The following CACNA1B variants were observed in gnomAD, a reference collection of about 807,000 sequenced individuals.
CACNA1B encodes voltage-dependent N-type calcium channel subunit alpha-1B.
In CACNA1B, 70 loss-of-function variants were observed where a neutral mutation model predicts 247.2. The ratio of observed to expected loss-of-function variants is 0.28; its 90% CI spans 0.23 to 0.35. CACNA1B has a LOEUF of 0.35. CACNA1B is among the 10% of genes least tolerant of loss of function. The probability of loss-of-function intolerance (pLI) is 1.00; values close to 1 mark genes in which losing one functional copy is unlikely to be tolerated. For synonymous variants in CACNA1B, 1,231 were observed against 1,294.4 expected, an observed-to-expected ratio of 0.95 and a Z score of 1.05; for missense variants, 2,367 against 3,197.4, an observed-to-expected ratio of 0.74 and a Z score of 6.26.
At chr9:138,105,648 T>TGG (rs1554758878) in intron 38 of CACNA1B, 51 bp from the exon 39 acceptor site, 1 of 986,690 alleles carries the variant, frequency 1.0e-6, no homozygotes, top group Non-Finnish European at 1.6e-6. Flanking sequence ...AGTCTTGGGG[T>TGG]GGGGGGTGAC....
intron 38 of CACNA1B, among the ~76,000 whole-genome samples, chr9:138,105,050 G>A (rs1330729699): frequency 1.3e-5 from 2 of 152,272 alleles, no homozygotes; most frequent in Non-Finnish European, 2.9e-5. Flanking sequence ...TGCAGCCCTG[G>A]GAAGTCCCAT....
In CACNA1B at chr9:138,059,694, C is replaced by A; in HGVS notation, c.4625C>A (p.Thr1542Asn). ...RDAWNVFDFV[T>N]VLGSITDILV... ...GCCTGGAATGTCTTTGACTTTGTCA[C>A]TGTGTTGGGAAGTATTACTGATATT... The change falls in exon 31 of 47, where the codon ACT (threonine) becomes AAT (asparagine). Residue 1542 changes from threonine (T) to asparagine (N), a missense_variant. Physicochemically the swap from Thr to Asn is moderately conservative, Grantham distance 65. This residue lies in a region of CACNA1B where 436 missense variants were observed against 679.5 expected (regional missense o/e 0.64). Coordinates refer to ENST00000371372, the MANE Select transcript of CACNA1B (RefSeq NM_000718.4). The surrounding 1 kb of genome is among the most constrained non-coding windows in gnomAD (Gnocchi z 4.2). The A allele has an allele frequency of 6.2e-7, 1 of 1,609,308 alleles. No homozygotes were observed. The highest frequency in any genetic ancestry group is 2.2e-5 in the East Asian group (1 of 44,862).
At chr9:138,119,998 C>CCT (rs1482395006) in intron 44 of CACNA1B, among the ~76,000 whole-genome samples, 167 bp from the exon 45 acceptor site, 1 of 152,184 alleles carries the variant, frequency 6.6e-6, no homozygotes, top group Non-Finnish European at 1.5e-5. Flanking sequence ...CTGCCCCCAG[C>CCT]CTGCCCTCCT....
In CACNA1B at chr9:138,023,553, C is replaced by T. The variant is rs1564243603; in HGVS notation, c.2810C>T (p.Ala937Val). 1 of 1,086,372 alleles carries T rather than the reference C, an allele frequency of 9.2e-7. No homozygotes were observed. The highest frequency in any genetic ancestry group is 1.1e-6 in the Non-Finnish European group (1 of 890,552). 67.3% of individuals were successfully genotyped at this position (1,086,372 alleles called of 1,614,324 possible). A position where few individuals can be genotyped will look rare whatever the true frequency, so the allele number is the denominator to read the frequency against. ...AAEREPRRHR[A>V]HRHQDPSKEC... is the part of the protein sequence containing the mutation. ...GAGCGGGAGCCCCGACGCCACCGCG[C>T]GCACCGGCACCAGGATCCGAGCAAG... Residue 937 changes from alanine (A) to valine (V), a missense_variant, in exon 19 of 47, where the codon GCG becomes GTG. Ala to Val is a moderately conservative substitution (Grantham distance 64). Coordinates refer to ENST00000371372, the MANE Select transcript of CACNA1B (RefSeq NM_000718.4).
In CACNA1B at chr9:137,952,524, C is replaced by G; in HGVS notation, c.1070+147C>G. ...CCCTGGTGTTCTGGGTTCTGGTAGC[C>G]CTTCCTTTGTGCCACCATCCTGACC... On this transcript the variant is annotated intron_variant, in intron 7 of 46. Transcript: ENST00000371372. This position sits in a 1 kb window ranked among gnomAD's most constrained non-coding sequence, Gnocchi z 4.8. 1.5e-6 allele frequency: 1 copy of G among 673,456 alleles called. No individual in the cohort carries two copies. The highest frequency in any genetic ancestry group is 2.6e-6 in the Non-Finnish European group (1 of 378,222). The allele number at this position is 673,456 out of a possible 1,614,324, so 41.7% of individuals were successfully genotyped here. A position where few individuals can be genotyped will look rare whatever the true frequency, so the allele number is the denominator to read the frequency against.
intron 35 of CACNA1B, among the ~76,000 whole-genome samples, chr9:138,076,610 C>T (rs1216932568): frequency 6.6e-6 from 1 of 152,194 alleles, no homozygotes; most frequent in Non-Finnish European, 1.5e-5. Flanking sequence ...GCTGCTGTTC[C>T]TGGGCGCGGA....
At chr9:138,046,883 G>C in intron 21 of CACNA1B, 21 bp from the exon 22 acceptor site, 1 of 1,610,694 alleles carries the variant, frequency 6.2e-7, no homozygotes, top group Admixed American at 1.7e-5. Context: ...GCCTTGTGGT[G>C]ATCCGTGCCT....
rs760518038 is a variant in CACNA1B at position 137,955,589 on chromosome 9, A to G, written c.1071-109A>G. ...GGGCCTGCCTGAAGCAGCAGCCTGCAGCCTGCGTCTCCTGTCCCAGGCTTT... is the reference window on the plus strand; with the variant it reads ...GGGCCTGCCTGAAGCAGCAGCCTGCGGCCTGCGTCTCCTGTCCCAGGCTTT... On this transcript the variant is annotated intron_variant, in intron 7 of 46. Transcript: ENST00000371372. This position sits in a 1 kb window ranked among gnomAD's most constrained non-coding sequence, Gnocchi z 6.9. The G allele has an allele frequency of 4.0e-5, 29 of 722,292 alleles. No individual in the cohort carries two copies. Among genetic ancestry groups the G allele is most frequent in the Non-Finnish European group, 6.5e-5 (28 of 427,584 alleles). The allele number at this position is 722,292 out of a possible 1,614,324, so 44.7% of individuals were successfully genotyped here. A position where few individuals can be genotyped will look rare whatever the true frequency, so the allele number is the denominator to read the frequency against.
At chr9:137,983,972 A>AGT (rs2133380009) in intron 12 of CACNA1B, among the ~76,000 whole-genome samples, 166 bp from the exon 13 acceptor site, 1 of 152,274 alleles carries the variant, frequency 6.6e-6, no homozygotes, top group South Asian at 2.1e-4. Flanking sequence ...CCAAGAGCTC[A>AGT]GTGTGAGGTG....
Position 137,985,506 on chromosome 9 carries a change from A to T in CACNA1B, c.1770-907A>T, listed in dbSNP as rs569508325. Among the ~76,000 whole-genome samples the T allele has an allele frequency of 2.0e-5, 3 of 152,338 alleles. No individual in the cohort carries two copies. The East Asian group carries it at 5.8e-4, about 29-fold the overall frequency. On this transcript the variant is annotated intron_variant, in intron 13 of 46. Coordinates refer to ENST00000371372, the MANE Select transcript of CACNA1B (RefSeq NM_000718.4). The stretch of plus-strand genomic sequence containing the variant: ...CCTGCTAGTCCCAGGAGAAGGTTCA[A>T]TTCCTTTCCCAGAGTCTTCCATCCC...
At chr9:137,960,264 C>T (rs118109198) in intron 10 of CACNA1B, among the ~76,000 whole-genome samples, 158 of 5,056 alleles carry the variant, frequency 0.031, 1 homozygote, top group African/African-American at 0.085. Flanking sequence ...GAGGGACACC[C>T]GGAGAGAAGG....
chr9:137,892,943 A>G (rs1026487917), intron 3 of CACNA1B, among the ~76,000 whole-genome samples: 2 of 152,370 alleles, frequency 1.3e-5, no homozygotes, highest in African/African-American at 2.4e-5. Flanking sequence ...AGAGCCCGAC[A>G]GGCCTGAAAC....
rs1960395733 is a variant in CACNA1B at position 138,078,218 on chromosome 9, A to T, written c.5054A>T (p.Tyr1685Phe). The T allele has an allele frequency of 2.5e-6, 4 of 1,613,814 alleles. No individual in the cohort carries two copies. The highest frequency in any genetic ancestry group is 2.5e-6 in the Non-Finnish European group (3 of 1,179,870). Residue 1685 changes from tyrosine (Y) to phenylalanine (F), a missense_variant, in exon 36 of 47, where the codon TAC (tyrosine) becomes TTC (phenylalanine). Physicochemically the swap from Tyr to Phe is conservative, Grantham distance 22 (BLOSUM62 3). Transcript: ENST00000371372. ...ACCGAGTGTGGAAGTGACTTTGCCT[A>T]CTTCTACTTCGTCTCCTTCATCTTC... ...NATECGSDFA[Y>F]FYFVSFIFLC...
chr9:138,121,737 G>A lies in CACNA1B; in HGVS notation c.6758G>A (p.Arg2253Gln), dbSNP rs1232097200. Reference sequence around the variant, plus strand: ...AGCCAGCCCCTGGCCCCTGGCTCTCGAATTGGCTCTGACCCTTACCTGGGG... The same window carrying A: ...AGCCAGCCCCTGGCCCCTGGCTCTCAAATTGGCTCTGACCCTTACCTGGGG... ...PLSQPLAPGSRIGSDPYLGQR... is the reference protein window; with the variant it reads ...PLSQPLAPGSQIGSDPYLGQR... The change falls in exon 47 of 47, where the codon CGA becomes CAA. Residue 2253 changes from arginine to glutamine, a missense_variant. Arg to Gln is a conservative substitution (Grantham distance 43). Transcript: ENST00000371372. The surrounding 1 kb of genome is among the most constrained non-coding windows in gnomAD (Gnocchi z 6.8). 7 of 1,613,220 alleles carry A rather than the reference G, an allele frequency of 4.3e-6. No individual in the cohort carries two copies. Among genetic ancestry groups the A allele is most frequent in the Admixed American group, 1.7e-5 (1 of 59,998 alleles).
rs1229033570 is a variant in CACNA1B at position 138,106,995 on chromosome 9, C to CTTCT, written c.5428+1189_5428+1192dup. 6.6e-5 allele frequency among the ~76,000 whole-genome samples: 10 copies of CTTCT among 152,204 alleles called. No individual in the cohort carries two copies. The South Asian group carries it at 1.5e-3, about 22-fold the overall frequency. On this transcript the variant is annotated intron_variant, in intron 39 of 46. Coordinates refer to ENST00000371372, the MANE Select transcript of CACNA1B (RefSeq NM_000718.4). Reference sequence around the variant, plus strand: ...ATGGCCGTTTCTCCATTTGCATTTTCTTCTCTTTGAACCTTTTTTATCTGT... The same window carrying CTTCT: ...ATGGCCGTTTCTCCATTTGCATTTTCTTCTTTCTCTTTGAACCTTTTTTATCTGT...
chr9:138,083,024 C>G (rs189611075), intron 36 of CACNA1B, among the ~76,000 whole-genome samples: 23 of 150,308 alleles, frequency 1.5e-4, no homozygotes, highest in Non-Finnish European at 3.4e-4. Context: ...GCCCCCATCA[C>G]CATCTCGGAC....
At position 137,990,037 on chromosome 9, in the gene CACNA1B, G is replaced by A. The variant is rs2133387350; in HGVS notation, c.1974+3183G>A. Among the ~76,000 whole-genome samples, 1 of 152,270 alleles carries A rather than the reference G, an allele frequency of 6.6e-6. No homozygotes were observed. The highest frequency in any genetic ancestry group is 1.9e-4 in the East Asian group (1 of 5,176). ...TTTGCTCCAAGAACTACCACGGGAA[G>A]TTCTTGGAACTACCACAGGCAAGTT... On this transcript the variant is annotated intron_variant, in intron 15 of 46. Transcript: ENST00000371372. This position sits in a 1 kb window ranked among gnomAD's most constrained non-coding sequence, Gnocchi z 4.5.
intron 6 of CACNA1B, among the ~76,000 whole-genome samples, chr9:137,940,251 C>G (rs1957718327): frequency 6.6e-6 from 1 of 152,252 alleles, no homozygotes; most frequent in East Asian, 1.9e-4. Context: ...ACAACTGACA[C>G]CACAGAAATA....
Position 137,899,577 on chromosome 9 carries a change from G to C in CACNA1B, c.531-13603G>C, listed in dbSNP as rs541434576. On this transcript the variant is annotated intron_variant, in intron 3 of 46. Coordinates refer to ENST00000371372, the MANE Select transcript of CACNA1B (RefSeq NM_000718.4). The surrounding 1 kb of genome is among the most constrained non-coding windows in gnomAD (Gnocchi z 5.0). ...CAGGCTAGGTGGCTCCCACTTCTTG[G>C]CCTGTTAGAGCAGGGACTGGGGTGG... Among the ~76,000 whole-genome samples, 19 of 152,302 alleles carry C rather than the reference G, an allele frequency of 1.2e-4. No individual in the cohort carries two copies. The highest frequency in any genetic ancestry group is 2.4e-4 in the Non-Finnish European group (16 of 68,014).
Sources: allele counts gnomAD v4.1 joint callset (sites outside exome capture counted in the v4.1 genomes callset), GRCh38; gene constraint gnomAD v4.1.1; regional missense constraint gnomAD v4.1.1; non-coding constraint Gnocchi (gnomAD v3.1); transcripts MANE v1.5; gene names NCBI Gene and HGNC (gene_info 2026-07-23, HGNC 2026-07-21).